Variants in CTNNA2 observed in about 807,000 individuals in gnomAD.
CTNNA2 encodes catenin alpha-2.
Under a neutral mutation model 101.0 loss-of-function variants are expected in CTNNA2, and 42 were observed. The ratio of observed to expected loss-of-function variants is 0.42; its 90% CI spans 0.32 to 0.54. CTNNA2 has a LOEUF of 0.54. Ranked by LOEUF, CTNNA2 falls within the 20% of genes least tolerant of loss-of-function variation. The pLI, the probability that CTNNA2 is intolerant of heterozygous loss-of-function variation, is 0.14. For missense variants in CTNNA2, 871 were observed against 1,223.1 expected (o/e 0.71, Z 4.29); for synonymous variants, 450 against 456.4 (o/e 0.99, Z 0.18).
chr2:79,575,120 TTGTACATGAATGC>T (rs936931103), intron 1 of CTNNA2, among the ~76,000 whole-genome samples: 31 of 152,318 alleles, frequency 2.0e-4, no homozygotes, highest in African/African-American at 7.5e-4. Flanking sequence ...AGTTTCAATG[TTGTACATGAATGC>T]TGTTGGTGGG....
At chr2:79,274,334 G>A (rs1264209838) in intron 2 of CTNNA2, among the ~76,000 whole-genome samples, 1 of 152,036 alleles carries the variant, frequency 6.6e-6, no homozygotes, top group Non-Finnish European at 1.5e-5. Context: ...CACTGAGTTT[G>A]ATGCCAGTGG....
chr2:80,495,768 A>G (rs902002743), intron 9 of CTNNA2, among the ~76,000 whole-genome samples: 1 of 151,792 alleles, frequency 6.6e-6, no homozygotes, highest in Non-Finnish European at 1.5e-5. Flanking sequence ...CTGAAACCCC[A>G]TCTCTACTAA....
chr2:80,242,822 G>A (rs984356495), intron 7 of CTNNA2, among the ~76,000 whole-genome samples: 4 of 152,154 alleles, frequency 2.6e-5, no homozygotes, highest in Non-Finnish European at 4.4e-5. Context: ...ACTCTGGGTG[G>A]TGTGTTTTCT....
intron 15 of CTNNA2, among the ~76,000 whole-genome samples, chr2:80,591,457 G>GTTTTTTTTTGTTTTTTTTTTTT (rs1696488662): frequency 1.4e-5 from 1 of 70,314 alleles, no homozygotes; most frequent in South Asian, 4.3e-4. Flanking sequence ...TGCACAGCCT[G>GTTTTTTTTTGTTTTTTTTTTTT]TTTTTTTTTT....
At chr2:79,452,726 A>T (rs1403596089) in intron 4 of CTNNA2, among the ~76,000 whole-genome samples, 1 of 152,052 alleles carries the variant, frequency 6.6e-6, no homozygotes, top group African/African-American at 2.4e-5. Context: ...GCTTTCAAAC[A>T]TCTGAAGGGC....
intron 3 of CTNNA2, among the ~76,000 whole-genome samples, chr2:79,332,286 A>G (rs1676890839): frequency 8.0e-6 from 1 of 125,112 alleles, no homozygotes; most frequent in Non-Finnish European, 1.6e-5. Context: ...ATAGAGAGGC[A>G]CTGCAAAAGA....
In CTNNA2 at chr2:79,521,107, GATATATATATATATATATATAT is replaced by G. The variant is rs59797728; in HGVS notation, c.-6+7940_-6+7961del. ...CTTTGAGATAGAAAACAAAGCTGCTGATATATATATATATATATATATATATATATATATATATATATATATA... is the reference window on the plus strand; with the variant it reads ...CTTTGAGATAGAAAACAAAGCTGCTGATATATATATATATATATATATATA... On this transcript the variant is annotated intron_variant, in intron 1 of 18. Transcript: ENST00000402739. Among the ~76,000 whole-genome samples, 482 of 105,310 alleles carry G rather than the reference GATATATATATATATATATATAT, an allele frequency of 4.6e-3. 3 individuals carry two copies. The highest frequency in any genetic ancestry group is 7.4e-3 in the African/African-American group (207 of 27,866). 69.1% of individuals were successfully genotyped at this position (105,310 alleles called of 152,430 possible).
At chr2:79,954,782 T>G (rs551848954) in intron 7 of CTNNA2, among the ~76,000 whole-genome samples, 2 of 152,190 alleles carry the variant, frequency 1.3e-5, no homozygotes, top group Non-Finnish European at 2.9e-5. Flanking sequence ...TCAAGGATCT[T>G]ATTTTGATTA....
intron 1 of CTNNA2, among the ~76,000 whole-genome samples, chr2:79,532,901 G>T (rs1019861478): frequency 1.3e-5 from 2 of 152,032 alleles, no homozygotes; most frequent in Non-Finnish European, 2.9e-5. Flanking sequence ...CGGGTCCTGT[G>T]TTCCAGACTC....
chr2:79,433,629 A>G (rs1417006722), intron 4 of CTNNA2, among the ~76,000 whole-genome samples: 1 of 72,280 alleles, frequency 1.4e-5, no homozygotes, highest in Admixed American at 1.6e-4. Context: ...TTGAGGAAAA[A>G]AAAAAAAAAA....
At chr2:79,506,252 A>G (rs947871716) in intron 5 of CTNNA2, among the ~76,000 whole-genome samples, 10 of 152,176 alleles carry the variant, frequency 6.6e-5, no homozygotes, top group African/African-American at 2.4e-4. Flanking sequence ...GTTCGATGGA[A>G]CATATATTTT....
intron 7 of CTNNA2, among the ~76,000 whole-genome samples, chr2:79,912,686 C>A (rs1269239335): frequency 6.6e-6 from 1 of 152,106 alleles, no homozygotes; most frequent in African/African-American, 2.4e-5. Context: ...AAATAATCCC[C>A]CTTTAAGTAA....
At chr2:80,150,143 C>T (rs1703603727) in intron 7 of CTNNA2, among the ~76,000 whole-genome samples, 4 of 152,184 alleles carry the variant, frequency 2.6e-5, no homozygotes, top group Admixed American at 2.6e-4. Context: ...TGCATTACTG[C>T]TGCCACCACT....
intron 7 of CTNNA2, among the ~76,000 whole-genome samples, chr2:80,194,363 A>C (rs1044479632): frequency 1.3e-5 from 2 of 152,206 alleles, no homozygotes; most frequent in Admixed American, 6.5e-5. Context: ...ACCATTTTTT[A>C]AATACAGAGA....
chr2:80,300,278 T>TGG (rs770942821), intron 7 of CTNNA2, among the ~76,000 whole-genome samples: 3,534 of 71,052 alleles, frequency 0.05, 55 homozygotes, highest in Non-Finnish European at 0.071. Context: ...GCTGGGGTGT[T>TGG]GGGGTGTGTG....
chr2:80,098,883 G>A (rs1212595032), intron 7 of CTNNA2, among the ~76,000 whole-genome samples: 5 of 152,084 alleles, frequency 3.3e-5, no homozygotes, highest in Admixed American at 6.6e-5. Context: ...GAAGTAACCC[G>A]ATTTTCCAGA....
intron 1 of CTNNA2, among the ~76,000 whole-genome samples, chr2:79,519,516 A>G (rs141832922): frequency 1.2e-4 from 19 of 152,202 alleles, no homozygotes; most frequent in African/African-American, 4.6e-4. Context: ...TCCAACACTT[A>G]TTTATTTTAT....
chr2:80,353,484 C>T (rs1195191292), intron 7 of CTNNA2, among the ~76,000 whole-genome samples: 2 of 152,108 alleles, frequency 1.3e-5, no homozygotes, highest in African/African-American at 2.4e-5. Context: ...TACCATGTGT[C>T]CAGTTGAATT....
intron 1 of CTNNA2, among the ~76,000 whole-genome samples, chr2:79,558,622 A>G (rs1267595568): frequency 1.3e-5 from 2 of 151,890 alleles, no homozygotes; most frequent in Non-Finnish European, 2.9e-5. Flanking sequence ...TGTTTGGTCA[A>G]TCAGGATTGG....
Sources: gnomAD v4.1 joint callset for allele counts (sites outside exome capture counted in the v4.1 genomes callset) on GRCh38, gnomAD v4.1.1 for gene constraint, MANE v1.5 for transcripts, NCBI Gene and HGNC (gene_info 2026-07-23, HGNC 2026-07-21) for gene names.